The following VTI1A variants were observed in gnomAD, a reference collection of about 807,000 sequenced individuals.
VTI1A encodes the protein vesicle transport through interaction with t-SNAREs 1A.
VTI1A carries 22 observed loss-of-function variants against 34.9 expected under a neutral mutation model. That is an observed-to-expected ratio of 0.63 (90% CI 0.45 to 0.90). VTI1A has a LOEUF of 0.90. Among genes scored for constraint, VTI1A ranks in the 40% least tolerant of loss-of-function variants. VTI1A has a pLI of 0.00. For missense variants in VTI1A, 268 were observed against 275.6 expected (o/e 0.97, Z 0.20); for synonymous variants, 87 against 97.3 (o/e 0.89, Z 0.62).
At chr10:112,626,634 C>G (rs985963529) in intron 5 of VTI1A, among the ~76,000 whole-genome samples, 8 of 151,680 alleles carry the variant, frequency 5.3e-5, no homozygotes, top group Non-Finnish European at 1.0e-4. Flanking sequence ...ATCTTAAAAC[C>G]AACTCTAGCC....
At chr10:112,459,745 T>G (rs1480134600) in intron 1 of VTI1A, among the ~76,000 whole-genome samples, 1 of 152,178 alleles carries the variant, frequency 6.6e-6, no homozygotes. Context: ...TGGGAAAGCT[T>G]TCTGAAATTG....
intron 5 of VTI1A, among the ~76,000 whole-genome samples, chr10:112,549,725 T>C (rs570811009): frequency 7.2e-5 from 11 of 152,346 alleles, no homozygotes; most frequent in African/African-American, 2.2e-4. Context: ...TTTTTAATGC[T>C]GAGAAGAATT....
At chr10:112,698,108 A>G (rs1008457202) in intron 7 of VTI1A, among the ~76,000 whole-genome samples, 1 of 152,238 alleles carries the variant, frequency 6.6e-6, no homozygotes, top group Non-Finnish European at 1.5e-5. Flanking sequence ...AGTGTCAGAT[A>G]TACCTTAAAG....
intron 1 of VTI1A, among the ~76,000 whole-genome samples, chr10:112,452,428 T>G (rs1847273508): frequency 6.6e-6 from 1 of 151,902 alleles, no homozygotes; most frequent in Non-Finnish European, 1.5e-5. Flanking sequence ...ATTAGCTGGG[T>G]GTAGTGGCAC....
intron 7 of VTI1A, among the ~76,000 whole-genome samples, chr10:112,712,596 C>T (rs528394835): frequency 2.6e-5 from 4 of 151,970 alleles, no homozygotes; most frequent in South Asian, 2.1e-4. Context: ...GGGGTAGGGG[C>T]GTGAAACTAA....
At chr10:112,835,442 C>G in the VTI1A span, among the ~76,000 whole-genome samples, 1 of 152,216 alleles carries the variant, frequency 6.6e-6, no homozygotes, top group African/African-American at 2.4e-5. Flanking sequence ...GCCCTCTCCC[C>G]TGCAGTTCTC....
chr10:112,675,151 A>G (rs915984111), intron 7 of VTI1A, among the ~76,000 whole-genome samples: 4 of 152,190 alleles, frequency 2.6e-5, no homozygotes, highest in Admixed American at 2.6e-4. Flanking sequence ...ATGCCTTTTA[A>G]TAACCAAAAA....
At chr10:112,635,331 G>C (rs915098492) in intron 5 of VTI1A, among the ~76,000 whole-genome samples, 1 of 152,212 alleles carries the variant, frequency 6.6e-6, no homozygotes, top group Non-Finnish European at 1.5e-5. Flanking sequence ...TAGCAGAACC[G>C]TGAGCAGTCA....
At chr10:112,808,499 C>T (rs1460741977) in intron 7 of VTI1A, among the ~76,000 whole-genome samples, 1 of 151,802 alleles carries the variant, frequency 6.6e-6, no homozygotes. Context: ...GGTGGCAGCA[C>T]TTGTAATCTC....
chr10:112,634,223 A>C (rs1304317132), intron 5 of VTI1A: 1 of 154,528 alleles, frequency 6.5e-6, no homozygotes, highest in Non-Finnish European at 1.5e-5. Context: ...ACTTCGGTTC[A>C]AGGCTAAGAA....
At chr10:112,656,104 G>C (rs1847219119) in intron 5 of VTI1A, among the ~76,000 whole-genome samples, 1 of 152,154 alleles carries the variant, frequency 6.6e-6, no homozygotes, top group Non-Finnish European at 1.5e-5. Context: ...TTGAGAAAAG[G>C]TCCCGGTGCC....
At chr10:112,774,166 AAG>A (rs1851893042) in intron 7 of VTI1A, among the ~76,000 whole-genome samples, 3 of 152,324 alleles carry the variant, frequency 2.0e-5, no homozygotes, top group Admixed American at 1.3e-4. Context: ...ATGTCACAAA[AAG>A]AGACTGAGCA....
At chr10:112,525,189 C>T (rs922638225) in intron 3 of VTI1A, among the ~76,000 whole-genome samples, 1 of 152,144 alleles carries the variant, frequency 6.6e-6, no homozygotes, top group Admixed American at 6.5e-5. Flanking sequence ...ATGTAGATAT[C>T]TTTACTGACT....
At chr10:112,529,167 T>G (rs1486616087) in intron 4 of VTI1A, among the ~76,000 whole-genome samples, 1 of 152,122 alleles carries the variant, frequency 6.6e-6, no homozygotes, top group African/African-American at 2.4e-5. Context: ...ATTATAGTCA[T>G]GAGAATATGT....
intron 7 of VTI1A, among the ~76,000 whole-genome samples, chr10:112,744,459 C>CTTT (rs11400561): frequency 0.048 from 6,090 of 126,018 alleles, 714 homozygotes; most frequent in African/African-American, 0.18. Context: ...CTTCTTCTTC[C>CTTT]TTTTTTTTTT....
chr10:112,852,176 A>T, the VTI1A span, among the ~76,000 whole-genome samples: 1 of 152,200 alleles, frequency 6.6e-6, no homozygotes, highest in African/African-American at 2.4e-5. Flanking sequence ...TAAATATGTT[A>T]TAATATAAGA....
intron 3 of VTI1A, among the ~76,000 whole-genome samples, chr10:112,481,044 G>T (rs1313363861): frequency 6.6e-6 from 1 of 152,108 alleles, no homozygotes; most frequent in Non-Finnish European, 1.5e-5. Flanking sequence ...GCTATTGAAA[G>T]GTTACTTGTG....
chr10:112,483,774 T>G (rs1490182685), intron 3 of VTI1A, among the ~76,000 whole-genome samples: 3 of 39,622 alleles, frequency 7.6e-5, no homozygotes, highest in Non-Finnish European at 2.0e-4. Context: ...TTGATGGGGA[T>G]TTCAGAGAGA....
intron 7 of VTI1A, among the ~76,000 whole-genome samples, chr10:112,691,753 T>G (rs1848625890): frequency 6.6e-6 from 1 of 152,234 alleles, no homozygotes; most frequent in Non-Finnish European, 1.5e-5. Flanking sequence ...GAAGGTTCAC[T>G]TGAGGCAGAT....
Sources: allele counts gnomAD v4.1 joint callset (sites outside exome capture counted in the v4.1 genomes callset), GRCh38; gene constraint gnomAD v4.1.1; transcripts MANE v1.5; gene names NCBI Gene and HGNC (gene_info 2026-07-23, HGNC 2026-07-21).